The following DLGAP2 variants were observed in gnomAD, a reference collection of about 807,000 sequenced individuals.
DLGAP2 encodes DLG associated protein 2, also known as disks large-associated protein 2.
Under a neutral mutation model 100.3 loss-of-function variants are expected in DLGAP2, and 26 were observed. The observed-to-expected ratio is 0.26, with a 90% CI of 0.19 to 0.36. DLGAP2 has a LOEUF of 0.36. Among genes scored for constraint, DLGAP2 ranks in the 10% least tolerant of loss-of-function variants. The probability of loss-of-function intolerance (pLI) is 1.00; values close to 1 mark genes in which losing one functional copy is unlikely to be tolerated. For missense variants in DLGAP2, 1,858 were observed against 1,453.2 expected (o/e 1.28, Z -4.53); for synonymous variants, 886 against 630.1 (o/e 1.41, Z -6.08).
At chr8:1,076,474 G>C (rs117509747) in intron 2 of DLGAP2, among the ~76,000 whole-genome samples, 3,342 of 152,348 alleles carry the variant, frequency 0.022, 60 homozygotes, top group Non-Finnish European at 0.036. Context: ...TTGTGGAACA[G>C]GAGGCAGATC....
rs531358049 is a variant in DLGAP2, at chr8:1,668,104, G to A, written c.1811-225G>A. 2.0e-5 allele frequency among the ~76,000 whole-genome samples: 3 copies of A among 152,362 alleles called. No homozygotes were observed. In the East Asian group the frequency reaches 5.8e-4, roughly 29 times the overall value. ...CTGCAGGGACGCACCTTGCTTAGCT[G>A]TGTCTCTGCAGCTGGGTTTGCTGGT... On this transcript the variant is annotated intron_variant, in intron 8 of 14. Transcript: ENST00000637795.
At chr8:1,316,388 G>C (rs1225061182) in intron 3 of DLGAP2, among the ~76,000 whole-genome samples, 2 of 134,578 alleles carry the variant, frequency 1.5e-5, no homozygotes, top group East Asian at 2.2e-4. Flanking sequence ...CGAGAAACTT[G>C]GCAGCTTTTA....
At chr8:1,089,396 C>T (rs1804097641) in intron 2 of DLGAP2, among the ~76,000 whole-genome samples, 1 of 152,230 alleles carries the variant, frequency 6.6e-6, no homozygotes, top group African/African-American at 2.4e-5. Context: ...ATGCTGCCCT[C>T]ACTCATAACC....
At chr8:1,459,460 G>T (rs558127463) in intron 3 of DLGAP2, among the ~76,000 whole-genome samples, 1 of 152,318 alleles carries the variant, frequency 6.6e-6, no homozygotes, top group African/African-American at 2.4e-5. Context: ...ACTGAGGAAT[G>T]CTTGAAAGAT....
intron 3 of DLGAP2, among the ~76,000 whole-genome samples, chr8:1,272,844 A>G (rs1388100394): frequency 6.6e-6 from 1 of 152,158 alleles, no homozygotes; most frequent in Non-Finnish European, 1.5e-5. Context: ...TCACTGTTGT[A>G]AACATCTGTA....
At chr8:970,005 C>G (rs1799974064) in intron 2 of DLGAP2, among the ~76,000 whole-genome samples, 1 of 152,110 alleles carries the variant, frequency 6.6e-6, no homozygotes, top group Non-Finnish European at 1.5e-5. Flanking sequence ...GAGTGAAATT[C>G]TGACATGGTT....
intron 3 of DLGAP2, among the ~76,000 whole-genome samples, chr8:1,484,478 G>C (rs1359328289): frequency 1.3e-5 from 2 of 152,250 alleles, no homozygotes; most frequent in Non-Finnish European, 1.5e-5. Context: ...CCCCAGAGCG[G>C]TGCCCGCCGA....
At chr8:755,699 G>C (rs776099134) in intron 1 of DLGAP2, among the ~76,000 whole-genome samples, 26 of 152,178 alleles carry the variant, frequency 1.7e-4, no homozygotes, top group East Asian at 3.9e-4. Flanking sequence ...TTGACTAGCG[G>C]CTGGCATGGC....
chr8:1,466,110 A>C (rs1798619387), intron 3 of DLGAP2, among the ~76,000 whole-genome samples: 1 of 152,188 alleles, frequency 6.6e-6, no homozygotes, highest in African/African-American at 2.4e-5. Context: ...TGAGTAATAA[A>C]TTAACCATAT....
intron 2 of DLGAP2, among the ~76,000 whole-genome samples, chr8:1,172,012 T>C (rs1010570077): frequency 7.9e-5 from 12 of 152,324 alleles, no homozygotes; most frequent in Middle Eastern, 3.4e-3. Flanking sequence ...GATTTTGCAG[T>C]GGCTGGTACT....
At chr8:1,662,898 A>G (rs1304479551) in intron 8 of DLGAP2, among the ~76,000 whole-genome samples, 1 of 116,678 alleles carries the variant, frequency 8.6e-6, no homozygotes, top group Non-Finnish European at 1.7e-5. Context: ...TACATGTGTG[A>G]GTGTGGGGGA....
intron 3 of DLGAP2, among the ~76,000 whole-genome samples, chr8:1,279,198 C>A (rs528604215): frequency 6.6e-6 from 1 of 152,142 alleles, no homozygotes; most frequent in Non-Finnish European, 1.5e-5. Context: ...AGTTCTTAAC[C>A]TCAAAAGCCC....
chr8:1,594,297 G>A (rs371657307), intron 6 of DLGAP2, among the ~76,000 whole-genome samples: 1 of 152,102 alleles, frequency 6.6e-6, no homozygotes. Context: ...TGATTTATTC[G>A]ACAGAGAATT....
chr8:795,679 A>G (rs62485634), intron 1 of DLGAP2, among the ~76,000 whole-genome samples: 5,585 of 25,070 alleles, frequency 0.22, 43 homozygotes, highest in East Asian at 0.25. Flanking sequence ...TCCAGTGAGA[A>G]CAGGCGTCCA....
At chr8:1,525,281 C>G (rs1317909760) in intron 4 of DLGAP2, among the ~76,000 whole-genome samples, 1 of 148,020 alleles carries the variant, frequency 6.8e-6, no homozygotes, top group Non-Finnish European at 1.5e-5. Context: ...AAAATTCAAA[C>G]CAGGCTTCTG....
intron 2 of DLGAP2, among the ~76,000 whole-genome samples, chr8:1,107,420 G>A (rs986030021): frequency 1.3e-5 from 2 of 152,336 alleles, no homozygotes; most frequent in East Asian, 3.9e-4. Context: ...AAGGCTTCCA[G>A]AGGCGTCCAA....
In DLGAP2 at chr8:1,548,799, G is replaced by T. The variant is rs1269711770; in HGVS notation, c.346G>T (p.Ala116Ser). The T allele has an allele frequency of 6.3e-7, 1 of 1,581,316 alleles. No individual in the cohort carries two copies. The highest frequency in any genetic ancestry group is 1.1e-5 in the South Asian group (1 of 88,192). Reference protein sequence around the residue: ...DCEHLHHGPDARPPYLLSPAD... With the variant: ...DCEHLHHGPDSRPPYLLSPAD... ...CGAGCACCTGCACCACGGGCCCGAC[G>T]CGCGGCCGCCCTACCTGCTGAGCCC... is the stretch of plus-strand genomic sequence containing the variant. The change falls in exon 5 of 15, where the codon GCG (alanine) becomes TCG (serine). Residue 116 changes from alanine (A) to serine (S), a missense_variant. Ala to Ser is a moderately conservative substitution (Grantham distance 99). Transcript: ENST00000637795.
Position 1,314,747 on chromosome 8 carries a change from C to A in DLGAP2, c.106+55864C>A, listed in dbSNP as rs1800691292. Among the ~76,000 whole-genome samples the A allele has an allele frequency of 3.9e-5, 6 of 152,208 alleles. No individual in the cohort carries two copies. The South Asian group carries it at 6.2e-4, about 16-fold the overall frequency. ...GGAGGTCGAGGACTTTCGGGGGTCT[C>A]CCTATGGTGCCACTTCTCTCTCTTT... On this transcript the variant is annotated intron_variant, in intron 3 of 14. Transcript: ENST00000637795.
chr8:1,336,394 G>A (rs1563090661), intron 3 of DLGAP2, among the ~76,000 whole-genome samples: 1 of 152,210 alleles, frequency 6.6e-6, no homozygotes, highest in South Asian at 2.1e-4. Context: ...GGAGGAGGAG[G>A]AAAGGCACCG....
Sources: gnomAD v4.1 joint callset for allele counts (sites outside exome capture counted in the v4.1 genomes callset) on GRCh38, gnomAD v4.1.1 for gene constraint, MANE v1.5 for transcripts, NCBI Gene and HGNC (gene_info 2026-07-23, HGNC 2026-07-21) for gene names.